XIRP2: variants seen among roughly 807,000 people sequenced by gnomAD.
XIRP2 encodes xin actin-binding repeat-containing protein 2.
Under a neutral mutation model 277.0 loss-of-function variants are expected in XIRP2, and 236 were observed. The observed-to-expected ratio is 0.85, with a 90% CI of 0.77 to 0.95. The LOEUF is 0.95. Among genes scored for constraint, XIRP2 ranks in the 40% least tolerant of loss-of-function variants. XIRP2 has a pLI of 0.00. For synonymous variants in XIRP2, 1,490 were observed against 1,416.5 expected (o/e 1.05, Z -1.17); for missense variants, 4,640 against 4,157.5 (o/e 1.12, Z -3.19).
At chr2:167,210,625 A>T in intron 3 of XIRP2, 110 bp from the exon 4 acceptor site, 1 of 1,359,376 alleles carries the variant, frequency 7.4e-7, no homozygotes, top group Non-Finnish European at 1.0e-6. Context: ...GAAATGCTAC[A>T]GTCCATTTTA....
chr2:167,119,929 A>G (rs774961820), intron 2 of XIRP2, among the ~76,000 whole-genome samples: 30 of 152,200 alleles, frequency 2.0e-4, no homozygotes, highest in Admixed American at 2.0e-3. Context: ...TAAAGATGTT[A>G]TATGGATAAT....
Position 166,994,356 on chromosome 2 carries a change from T to C in XIRP2, c.408+90466T>C, listed in dbSNP as rs866687238. On this transcript the variant is annotated intron_variant, in intron 2 of 10. Coordinates refer to ENST00000409195, the MANE Select transcript of XIRP2 (RefSeq NM_152381.6). ...GTCGGGGGAGGGGGGAGGGATAGCA[T>C]TGGGAGATATACCTAATGCTAGATG... 3.9e-4 allele frequency among the ~76,000 whole-genome samples: 41 copies of C among 105,356 alleles called. No homozygotes were observed. In the Middle Eastern group the frequency reaches 0.037, roughly 95 times the overall value. The allele number at this position is 105,356 out of a possible 152,430, so 69.1% of individuals were successfully genotyped here. A position where few individuals can be genotyped will look rare whatever the true frequency, so the allele number is the denominator to read the frequency against.
intron 2 of XIRP2, among the ~76,000 whole-genome samples, chr2:167,109,963 G>T (rs1421182247): frequency 6.6e-6 from 1 of 152,064 alleles, no homozygotes; most frequent in Non-Finnish European, 1.5e-5. Flanking sequence ...TTGGCCACAT[G>T]TATGTCTTCT....
chr2:166,959,377 A>G (rs1200476951), intron 2 of XIRP2, among the ~76,000 whole-genome samples: 1 of 151,846 alleles, frequency 6.6e-6, no homozygotes, highest in Non-Finnish European at 1.5e-5. Context: ...TTTACTATGC[A>G]GTTCTGCAGA....
chr2:167,022,116 C>T (rs375621969), intron 2 of XIRP2, among the ~76,000 whole-genome samples: 19 of 152,192 alleles, frequency 1.2e-4, no homozygotes, highest in East Asian at 7.7e-4. Flanking sequence ...ATCCCACAGT[C>T]ACAGTTTTAA....
At chr2:167,021,818 C>T (rs1687991716) in intron 2 of XIRP2, among the ~76,000 whole-genome samples, 1 of 151,878 alleles carries the variant, frequency 6.6e-6, no homozygotes, top group Non-Finnish European at 1.5e-5. Flanking sequence ...GAGAGAGATC[C>T]TGTCTCAAAA....
At chr2:166,964,559 G>A (rs1686377481) in intron 2 of XIRP2, among the ~76,000 whole-genome samples, 1 of 151,836 alleles carries the variant, frequency 6.6e-6, no homozygotes, top group Non-Finnish European at 1.5e-5. Flanking sequence ...GCATTGACAA[G>A]TCAGTTGAGA....
intron 2 of XIRP2, among the ~76,000 whole-genome samples, chr2:166,957,816 C>T (rs895428660): frequency 7.9e-5 from 12 of 151,762 alleles, no homozygotes; most frequent in Admixed American, 1.3e-4. Context: ...TTGATTTTCA[C>T]GTTAATCATT....
At chr2:167,242,367 A>T (rs1428114958) in intron 8 of XIRP2, among the ~76,000 whole-genome samples, 1 of 152,214 alleles carries the variant, frequency 6.6e-6, no homozygotes, top group Non-Finnish European at 1.5e-5. Flanking sequence ...ATATAACTTT[A>T]CAAGTAAAAA....
In XIRP2 at chr2:166,903,718, A is replaced by G. The variant is rs1212631448; in HGVS notation, c.236A>G (p.Asp79Gly). The G allele has an allele frequency of 1.2e-6, 2 of 1,613,568 alleles. No homozygotes were observed. Among genetic ancestry groups the G allele is most frequent in the African/African-American group, 1.3e-5 (1 of 74,874 alleles). The change falls in exon 2 of 11, where the codon GAT (aspartate) becomes GGT (glycine). Residue 79 changes from aspartate (D) to glycine (G), a missense_variant. By Grantham distance (94) the Asp-to-Gly change is moderately conservative. Coordinates refer to ENST00000409195, the MANE Select transcript of XIRP2 (RefSeq NM_152381.6). ...EMWSSKPEEK[D>G]SVDKSNNTRE... ...TGGAGTTCGAAGCCGGAAGAGAAGG[A>G]TTCTGTGGACAAGAGTAACAACACC...
rs750068481 is a variant in XIRP2 at position 167,251,159 on chromosome 2, T to C, written c.9767T>C (p.Val3256Ala). 1 of 1,613,464 alleles carries C rather than the reference T, an allele frequency of 6.2e-7. No individual in the cohort carries two copies. Among genetic ancestry groups the C allele is most frequent in the South Asian group, 1.1e-5 (1 of 91,084 alleles). ...GCTAGTGGTTCCTTCAGAGAATCTG[T>C]GGACGCTCAAGAGGAAATCAGGAAA... ...HAASGSFRES[V>A]DAQEEIRKVE... The change falls in exon 9 of 11, where the codon GTG becomes GCG. Residue 3256 changes from valine to alanine, a missense_variant. Coordinates refer to ENST00000409195, the MANE Select transcript of XIRP2 (RefSeq NM_152381.6).
At chr2:167,211,991 C>G (rs1056954877) in intron 4 of XIRP2, among the ~76,000 whole-genome samples, 3 of 151,806 alleles carry the variant, frequency 2.0e-5, no homozygotes, top group Admixed American at 2.0e-4. Context: ...GAGAGAAAAG[C>G]CAAAAAAGGT....
Position 166,903,633 on chromosome 2 carries a change from G to T in XIRP2, c.151G>T (p.Val51Leu), listed in dbSNP as rs1684439901. Residue 51 changes from valine (V) to leucine (L), a missense_variant, in exon 2 of 11, where the codon GTA (valine) becomes TTA (leucine). Physicochemically the swap from Val to Leu is conservative, Grantham distance 32. Coordinates refer to ENST00000409195, the MANE Select transcript of XIRP2 (RefSeq NM_152381.6). Reference sequence around the variant, plus strand: ...ATTGCTTGCGCCTGAAGGAGAGGTAGTATCAGCACCTCAATCTTTGGATCC... The same window carrying T: ...ATTGCTTGCGCCTGAAGGAGAGGTATTATCAGCACCTCAATCTTTGGATCC... ...SKLLAPEGEV[V>L]SAPQSLDPTS... 2.5e-6 allele frequency: 4 copies of T among 1,613,624 alleles called. No individual in the cohort carries two copies. The highest frequency in any genetic ancestry group is 3.4e-6 in the Non-Finnish European group (4 of 1,179,742).
At position 167,012,125 on chromosome 2, in the gene XIRP2, C is replaced by A. The variant is rs949983759; in HGVS notation, c.408+108235C>A. Among the ~76,000 whole-genome samples, 6 of 151,754 alleles carry A rather than the reference C, an allele frequency of 4.0e-5. No homozygotes were observed. The South Asian group carries it at 1.2e-3, about 32-fold the overall frequency. On this transcript the variant is annotated intron_variant, in intron 2 of 10. Coordinates refer to ENST00000409195, the MANE Select transcript of XIRP2 (RefSeq NM_152381.6). ...TAGTTTTTGAATGTGTTTGCTCTTG[C>A]TTTTCTAGTTCTTTTAATTGTGATG...
At chr2:167,148,927 T>G (rs900094582) in intron 3 of XIRP2, among the ~76,000 whole-genome samples, 8 of 151,972 alleles carry the variant, frequency 5.3e-5, no homozygotes, top group African/African-American at 1.9e-4. Context: ...TCTAGGATGG[T>G]AGAACTTTGA....
intron 2 of XIRP2, among the ~76,000 whole-genome samples, chr2:167,108,861 G>T (rs1048350755): frequency 6.6e-5 from 10 of 151,484 alleles, no homozygotes; most frequent in Admixed American, 1.3e-4. Flanking sequence ...ATAAGTCTTA[G>T]GTCCTTTTTT....
chr2:167,214,908 C>A (rs773265994), intron 4 of XIRP2, among the ~76,000 whole-genome samples: 18 of 151,986 alleles, frequency 1.2e-4, no homozygotes, highest in Non-Finnish European at 2.2e-4. Flanking sequence ...TGAGAGGCAA[C>A]CTGTCCAGTA....
chr2:167,082,666 T>A (rs547662970), intron 2 of XIRP2, among the ~76,000 whole-genome samples: 3 of 152,346 alleles, frequency 2.0e-5, no homozygotes, highest in Admixed American at 2.0e-4. Context: ...TATCTCATTG[T>A]GGTTTTGATT....
intron 2 of XIRP2, among the ~76,000 whole-genome samples, chr2:166,960,552 C>T (rs2105406834): frequency 6.6e-6 from 1 of 151,800 alleles, no homozygotes; most frequent in South Asian, 2.1e-4. Context: ...CTACACCACT[C>T]TTGAAAGGAC....
Sources: gnomAD v4.1 joint callset for allele counts (sites outside exome capture counted in the v4.1 genomes callset) on GRCh38, gnomAD v4.1.1 for gene constraint, MANE v1.5 for transcripts, NCBI Gene and HGNC (gene_info 2026-07-23, HGNC 2026-07-21) for gene names.